NHEJ1: variants seen among roughly 807,000 people sequenced by gnomAD.
NHEJ1 encodes the protein non-homologous end-joining factor 1.
A neutral mutation model predicts 39.4 loss-of-function variants in NHEJ1; 22 were observed. The observed-to-expected ratio is 0.56, with a 90% CI of 0.40 to 0.80. The LOEUF (loss-of-function observed/expected upper bound fraction) is 0.80. NHEJ1 is among the 30% of genes least tolerant of loss of function. NHEJ1 has a pLI of 0.00. For synonymous variants in NHEJ1, 154 were observed against 135.6 expected (o/e 1.14, Z -0.94); for missense variants, 329 against 357.1 (o/e 0.92, Z 0.63).
intron 5 of NHEJ1, among the ~76,000 whole-genome samples, chr2:219,134,349 C>G (rs973271857): frequency 1.3e-5 from 2 of 152,218 alleles, no homozygotes; most frequent in Admixed American, 6.5e-5. Flanking sequence ...ATGAAGATAT[C>G]ACCTAGCTCA....
intron 3 of NHEJ1, among the ~76,000 whole-genome samples, chr2:219,155,625 C>T (rs1434960924): frequency 6.6e-6 from 1 of 151,978 alleles, no homozygotes; most frequent in African/African-American, 2.4e-5. Context: ...GGCTCCAGAT[C>T]AAAAATAAAC....
chr2:219,101,879 C>G (rs1949264474), intron 5 of NHEJ1, among the ~76,000 whole-genome samples: 1 of 152,118 alleles, frequency 6.6e-6, no homozygotes, highest in South Asian at 2.1e-4. Flanking sequence ...GCATGTGCCA[C>G]CACGTCCAGC....
chr2:219,104,027 A>G (rs1276112204), intron 5 of NHEJ1, among the ~76,000 whole-genome samples: 1 of 152,010 alleles, frequency 6.6e-6, no homozygotes, highest in Non-Finnish European at 1.5e-5. Context: ...ACTTATTCTT[A>G]CCCAAACATT....
At chr2:219,086,915 TG>T (rs1243769113) in intron 5 of NHEJ1, among the ~76,000 whole-genome samples, 2 of 152,122 alleles carry the variant, frequency 1.3e-5, no homozygotes, top group Non-Finnish European at 2.9e-5. Flanking sequence ...GAGCCTAAAC[TG>T]TCCCTGGAGC....
rs554645150 is a variant in NHEJ1 at position 219,098,429 on chromosome 2, T to C, written c.589-20223A>G. 3.3e-5 allele frequency among the ~76,000 whole-genome samples: 5 copies of C among 152,284 alleles called. No individual in the cohort carries two copies. In the East Asian group the frequency reaches 7.7e-4, roughly 24 times the overall value. On this transcript the variant is annotated intron_variant, in intron 5 of 7. Coordinates refer to ENST00000356853, the MANE Select transcript of NHEJ1 (RefSeq NM_024782.3). ...AGAGCAATTTCCTTGATAGGTGAGATAGAATCTAATGCACAAATAGAGAGA... is the reference window on the plus strand; with the variant it reads ...AGAGCAATTTCCTTGATAGGTGAGACAGAATCTAATGCACAAATAGAGAGA...
chr2:219,092,798 T>C (rs1273482578), intron 5 of NHEJ1, among the ~76,000 whole-genome samples: 1 of 152,106 alleles, frequency 6.6e-6, no homozygotes, highest in Non-Finnish European at 1.5e-5. Flanking sequence ...TGCCAGTCAA[T>C]GGTCTGCAGG....
At chr2:219,159,618 C>A (rs5006768) in intron 1 of NHEJ1, among the ~76,000 whole-genome samples, 1 of 108,442 alleles carries the variant, frequency 9.2e-6, no homozygotes, top group East Asian at 3.3e-4. Flanking sequence ...TATACATATA[C>A]GTGGTGATCT....
chr2:219,100,894 T>C (rs1041022188), intron 5 of NHEJ1, among the ~76,000 whole-genome samples: 2 of 152,230 alleles, frequency 1.3e-5, no homozygotes, highest in Non-Finnish European at 2.9e-5. Flanking sequence ...TTTTAAATAC[T>C]AATCAATGTA....
intron 5 of NHEJ1, among the ~76,000 whole-genome samples, chr2:219,083,920 T>C (rs1949088545): frequency 6.6e-6 from 1 of 152,076 alleles, no homozygotes; most frequent in Non-Finnish European, 1.5e-5. Context: ...AGGCATTCAA[T>C]ACACTCCTTG....
intron 5 of NHEJ1, among the ~76,000 whole-genome samples, chr2:219,117,890 A>G (rs1949430876): frequency 6.6e-6 from 1 of 152,244 alleles, no homozygotes; most frequent in African/African-American, 2.4e-5. Flanking sequence ...AATAGGTACA[A>G]AAAGTTGTAG....
intron 5 of NHEJ1, among the ~76,000 whole-genome samples, chr2:219,143,087 T>C (rs1299824062): frequency 6.6e-6 from 1 of 152,212 alleles, no homozygotes; most frequent in African/African-American, 2.4e-5. Context: ...AATGAGAATT[T>C]TAAAAACTGA....
intron 5 of NHEJ1, among the ~76,000 whole-genome samples, chr2:219,128,309 C>T (rs1949543501): frequency 6.6e-6 from 1 of 152,112 alleles, no homozygotes; most frequent in Non-Finnish European, 1.5e-5. Flanking sequence ...TACTATTGAA[C>T]TTGTATGGTA....
intron 3 of NHEJ1, 63 bp from the exon 4 acceptor site, chr2:219,147,858 T>G: frequency 5.9e-6 from 9 of 1,531,442 alleles, no homozygotes; most frequent in Non-Finnish European, 7.2e-6. Flanking sequence ...AATTCAGTAT[T>G]AGGTACCAGA....
chr2:219,131,885 T>C (rs1181262579), intron 5 of NHEJ1, among the ~76,000 whole-genome samples: 1 of 152,242 alleles, frequency 6.6e-6, no homozygotes, highest in Non-Finnish European at 1.5e-5. Context: ...CAATCTTGCC[T>C]ACTGCCCAGA....
chr2:219,159,669 T>G (rs766579537), intron 1 of NHEJ1, among the ~76,000 whole-genome samples: 13 of 150,136 alleles, frequency 8.7e-5, no homozygotes, highest in Admixed American at 3.3e-4. Flanking sequence ...TGGAGGATGG[T>G]GTTTCCGTCA....
chr2:219,116,953 T>C lies in NHEJ1; in HGVS notation c.588+29727A>G, dbSNP rs191323759. On this transcript the variant is annotated intron_variant, in intron 5 of 7. Coordinates refer to ENST00000356853, the MANE Select transcript of NHEJ1 (RefSeq NM_024782.3). Reference sequence around the variant, plus strand: ...CAAACATGTCACAGCCTGCAGTGAATAGAGCCAACAGAAAGGAGAGGCAAA... The same window carrying C: ...CAAACATGTCACAGCCTGCAGTGAACAGAGCCAACAGAAAGGAGAGGCAAA... Among the ~76,000 whole-genome samples the C allele has an allele frequency of 3.9e-5, 6 of 152,158 alleles. No homozygotes were observed. In the East Asian group the frequency reaches 7.7e-4, roughly 20 times the overall value.
At chr2:219,142,994 C>T (rs762376354) in intron 5 of NHEJ1, among the ~76,000 whole-genome samples, 3 of 152,144 alleles carry the variant, frequency 2.0e-5, no homozygotes, top group South Asian at 2.1e-4. Context: ...CTTATTTTCC[C>T]GAGCCTTAGT....
At chr2:219,080,668 T>TATATATGCTAATATATATAATC (rs1559185964) in intron 5 of NHEJ1, among the ~76,000 whole-genome samples, 1 of 16,340 alleles carries the variant, frequency 6.1e-5, no homozygotes, top group African/African-American at 1.8e-4. Flanking sequence ...TATATAAGCT[T>TATATATGCTAATATATATAATC]TTATATATGC....
At chr2:219,121,782 C>G (rs1024765538) in intron 5 of NHEJ1, among the ~76,000 whole-genome samples, 1 of 151,312 alleles carries the variant, frequency 6.6e-6, no homozygotes, top group African/African-American at 2.4e-5. Flanking sequence ...GCCCTGATTG[C>G]ACCACCACAC....
Sources: gnomAD v4.1 joint callset for allele counts (sites outside exome capture counted in the v4.1 genomes callset) on GRCh38, gnomAD v4.1.1 for gene constraint, MANE v1.5 for transcripts, NCBI Gene and HGNC (gene_info 2026-07-23, HGNC 2026-07-21) for gene names.